Variants in TMTC1 observed in about 807,000 individuals in gnomAD.
TMTC1 encodes the protein protein O-mannosyl-transferase TMTC1.
A neutral mutation model predicts 104.8 loss-of-function variants in TMTC1; 73 were observed. That is an observed-to-expected ratio of 0.70 (90% CI 0.58 to 0.85). TMTC1 has a LOEUF of 0.85. TMTC1 is among the 40% of genes least tolerant of loss of function. TMTC1 has a pLI of 0.00. For missense variants in TMTC1, 1,035 were observed against 1,096.1 expected (o/e 0.94, Z 0.79); for synonymous variants, 434 against 428.7 (o/e 1.01, Z -0.15).
intron 4 of TMTC1, among the ~76,000 whole-genome samples, chr12:29,752,206 T>C (rs1459084646): frequency 6.6e-6 from 1 of 152,088 alleles, no homozygotes; most frequent in Non-Finnish European, 1.5e-5. Context: ...TCAGAATATT[T>C]GGTTGCAGTG....
chr12:29,680,159 T>C (rs1940865917), intron 5 of TMTC1, among the ~76,000 whole-genome samples: 1 of 152,148 alleles, frequency 6.6e-6, no homozygotes, highest in African/African-American at 2.4e-5. Context: ...GTACCATCAA[T>C]GAGATTAAGC....
chr12:29,756,425 A>T (rs1943217777), intron 3 of TMTC1, among the ~76,000 whole-genome samples: 2 of 152,368 alleles, frequency 1.3e-5, no homozygotes, highest in South Asian at 4.1e-4. Context: ...ATATGCTTCC[A>T]TACATAAAAC....
At chr12:29,648,357 G>T (rs571028848) in intron 5 of TMTC1, among the ~76,000 whole-genome samples, 7 of 152,166 alleles carry the variant, frequency 4.6e-5, no homozygotes, top group Non-Finnish European at 1.0e-4. Flanking sequence ...GAATTTACAA[G>T]AAGTATCATA....
intron 6 of TMTC1, among the ~76,000 whole-genome samples, chr12:29,615,673 T>C (rs1347302104): frequency 2.0e-5 from 3 of 152,174 alleles, no homozygotes; most frequent in Admixed American, 2.0e-4. Context: ...CAAACATCTA[T>C]ATACACATTT....
chr12:29,739,294 T>TAC lies in TMTC1; in HGVS notation c.938+12370_938+12371dup, dbSNP rs60837035. Among the ~76,000 whole-genome samples, 535 of 150,814 alleles carry TAC rather than the reference T, an allele frequency of 3.5e-3. 4 individuals carry two copies. Among genetic ancestry groups the TAC allele is most frequent in the African/African-American group, 6.4e-3 (264 of 41,282 alleles). On this transcript the variant is annotated intron_variant, in intron 5 of 17. Transcript: ENST00000539277. ...TTGCTCATAGTTGCACGCATTCATG[T>TAC]ACACACACACACACACATACACAGA...
chr12:29,712,514 T>A (rs1002605341), intron 5 of TMTC1, among the ~76,000 whole-genome samples: 1 of 152,218 alleles, frequency 6.6e-6, no homozygotes, highest in Non-Finnish European at 1.5e-5. Flanking sequence ...ATCTATTGTC[T>A]ATTAAAACAT....
intron 5 of TMTC1, among the ~76,000 whole-genome samples, chr12:29,636,288 G>T (rs562617820): frequency 6.6e-6 from 1 of 152,260 alleles, no homozygotes; most frequent in Middle Eastern, 3.4e-3. Context: ...AGGGAAAAAA[G>T]GCAATAGAAT....
rs1231890072 is a variant in TMTC1, at chr12:29,653,523, T to C, written c.939-20187A>G. On this transcript the variant is annotated intron_variant, in intron 5 of 17. Coordinates refer to ENST00000539277, the MANE Select transcript of TMTC1 (RefSeq NM_001193451.2). ...TCAAAAGAAAGTTGTGTGATAAAGA[T>C]ACAATGTCTCCTTTGTTCTTTAGTT... 2.0e-5 allele frequency among the ~76,000 whole-genome samples: 3 copies of C among 152,194 alleles called. No homozygotes were observed. The East Asian group carries it at 5.8e-4, about 29-fold the overall frequency.
At chr12:29,691,217 A>C (rs1591931823) in intron 5 of TMTC1, among the ~76,000 whole-genome samples, 1 of 152,276 alleles carries the variant, frequency 6.6e-6, no homozygotes, top group East Asian at 1.9e-4. Flanking sequence ...TCAGTGCTTG[A>C]GATATTTTGC....
At chr12:29,547,369 C>T (rs895900072) in intron 10 of TMTC1, among the ~76,000 whole-genome samples, 7 of 152,158 alleles carry the variant, frequency 4.6e-5, no homozygotes, top group African/African-American at 1.7e-4. Context: ...AACCTCAACT[C>T]ATTAGTAATC....
intron 10 of TMTC1, among the ~76,000 whole-genome samples, chr12:29,548,449 G>GT (rs1236682309): frequency 2.0e-5 from 3 of 152,146 alleles, no homozygotes; most frequent in African/African-American, 7.2e-5. Flanking sequence ...CCGGTGGGAA[G>GT]TAATTGGATC....
chr12:29,653,112 T>C (rs753414963), intron 5 of TMTC1, among the ~76,000 whole-genome samples: 3 of 151,210 alleles, frequency 2.0e-5, no homozygotes, highest in Admixed American at 6.6e-5. Flanking sequence ...TATATACTTA[T>C]ATATCTGGCA....
chr12:29,742,762 T>C (rs1010693571), intron 5 of TMTC1, among the ~76,000 whole-genome samples: 1 of 152,198 alleles, frequency 6.6e-6, no homozygotes, highest in African/African-American at 2.4e-5. Context: ...TTAAGTGTTA[T>C]CATAAGGATT....
At chr12:29,775,034 A>G (rs905231839) in intron 1 of TMTC1, among the ~76,000 whole-genome samples, 1 of 152,218 alleles carries the variant, frequency 6.6e-6, no homozygotes, top group African/African-American at 2.4e-5. Flanking sequence ...GAGTAATAGT[A>G]CAGTTATTAG....
chr12:29,702,528 G>A (rs1239713483), intron 5 of TMTC1, among the ~76,000 whole-genome samples: 7 of 152,144 alleles, frequency 4.6e-5, no homozygotes, highest in Non-Finnish European at 7.3e-5. Flanking sequence ...GAAAGTGAGC[G>A]AGCAGAGAAT....
intron 1 of TMTC1, 71 bp from the exon 2 acceptor site, chr12:29,768,146 C>T (rs867563436): frequency 4.0e-5 from 42 of 1,041,110 alleles, no homozygotes; most frequent in South Asian, 2.3e-4. Flanking sequence ...GGAACACAGA[C>T]GGAATCCATC....
At chr12:29,756,532 C>G (rs1298853889) in intron 3 of TMTC1, among the ~76,000 whole-genome samples, 1 of 152,112 alleles carries the variant, frequency 6.6e-6, no homozygotes, top group Non-Finnish European at 1.5e-5. Flanking sequence ...TGGCTAAATT[C>G]ATTTAGCCAA....
chr12:29,733,769 T>C (rs1380769788), intron 5 of TMTC1, among the ~76,000 whole-genome samples: 1 of 152,160 alleles, frequency 6.6e-6, no homozygotes. Context: ...TCAGTCTTTC[T>C]CTCCATTTCT....
chr12:29,753,994 G>A (rs541226534), intron 4 of TMTC1, among the ~76,000 whole-genome samples: 1 of 152,152 alleles, frequency 6.6e-6, no homozygotes, highest in East Asian at 1.9e-4. Flanking sequence ...AGCCTCCCGA[G>A]TAGCTGGGAT....
Sources: gnomAD v4.1 joint callset for allele counts (sites outside exome capture counted in the v4.1 genomes callset) on GRCh38, gnomAD v4.1.1 for gene constraint, MANE v1.5 for transcripts, NCBI Gene and HGNC (gene_info 2026-07-23, HGNC 2026-07-21) for gene names.